Variants in NRXN3 observed in about 807,000 individuals in gnomAD.
NRXN3 encodes neurexin 3.
In NRXN3, 32 loss-of-function variants were observed where a neutral mutation model predicts 137.6. The observed-to-expected ratio is 0.23, with a 90% CI of 0.18 to 0.31. The LOEUF is 0.31. NRXN3 is among the 10% of genes least tolerant of loss of function. The pLI, the probability that NRXN3 is intolerant of heterozygous loss-of-function variation, is 1.00. For synonymous variants in NRXN3, 798 were observed against 784.5 expected, an observed-to-expected ratio of 1.02 and a Z score of -0.29; for missense variants, 1,574 against 2,062.5, an observed-to-expected ratio of 0.76 and a Z score of 4.59.
chr14:79,488,287 G>A (rs1322204129), intron 16 of NRXN3, among the ~76,000 whole-genome samples: 1 of 152,118 alleles, frequency 6.6e-6, no homozygotes, highest in Non-Finnish European at 1.5e-5. Context: ...GAGCTATAGG[G>A]TCTTGATGAA....
rs941694351 is a variant in NRXN3 at position 79,563,703 on chromosome 14, T to C, written c.3444+96301T>C. ...AAGGAGAAAGCATGATAAACCTTTT[T>C]TCCTGTTTCTCTTCTTCTAACCACA... On this transcript the variant is annotated intron_variant, in intron 16 of 20. Transcript: ENST00000335750. 4.6e-5 allele frequency among the ~76,000 whole-genome samples: 7 copies of C among 152,132 alleles called. No homozygotes were observed. In the South Asian group the frequency reaches 8.3e-4, roughly 18 times the overall value.
chr14:79,065,125 T>C (rs970573595), intron 15 of NRXN3, among the ~76,000 whole-genome samples: 6 of 152,038 alleles, frequency 3.9e-5, no homozygotes, highest in Admixed American at 3.3e-4. Context: ...TGTTATTTTA[T>C]GTAGTTTATT....
intron 19 of NRXN3, among the ~76,000 whole-genome samples, chr14:79,797,780 T>C (rs1237130477): frequency 1.3e-5 from 2 of 152,088 alleles, no homozygotes; most frequent in African/African-American, 4.8e-5. Flanking sequence ...CTCTATGTTT[T>C]TTCTAGTTTT....
chr14:78,385,290 A>AAC (rs34246142), intron 4 of NRXN3, among the ~76,000 whole-genome samples: 431 of 147,454 alleles, frequency 2.9e-3, no homozygotes, highest in East Asian at 0.01. Flanking sequence ...AACTTTAAGC[A>AAC]ACACACACAC....
intron 6 of NRXN3, among the ~76,000 whole-genome samples, chr14:78,670,600 G>C (rs1243414172): frequency 6.6e-6 from 1 of 152,142 alleles, no homozygotes; most frequent in Admixed American, 6.5e-5. Context: ...CATGTGTCAG[G>C]AACTCTAAGT....
chr14:78,859,334 T>G (rs775623480), intron 10 of NRXN3, among the ~76,000 whole-genome samples: 5 of 152,110 alleles, frequency 3.3e-5, no homozygotes, highest in Admixed American at 1.3e-4. Context: ...CAACACTGGA[T>G]CAAATCTGGC....
At chr14:79,659,757 A>G (rs1429318102) in intron 16 of NRXN3, among the ~76,000 whole-genome samples, 1 of 152,180 alleles carries the variant, frequency 6.6e-6, no homozygotes, top group East Asian at 1.9e-4. Flanking sequence ...AAGAGAAATC[A>G]GAAGTAAAAT....
At chr14:79,296,227 AGT>A (rs1199365645) in intron 15 of NRXN3, among the ~76,000 whole-genome samples, 1 of 152,122 alleles carries the variant, frequency 6.6e-6, no homozygotes, top group Admixed American at 6.6e-5. Context: ...GAAAAAATAG[AGT>A]GAGTGGGCTG....
chr14:79,136,443 A>C (rs1281807355), intron 15 of NRXN3, among the ~76,000 whole-genome samples: 3 of 152,236 alleles, frequency 2.0e-5, no homozygotes, highest in African/African-American at 4.8e-5. Flanking sequence ...ATATACACTC[A>C]AAATGAATAA....
intron 6 of NRXN3, among the ~76,000 whole-genome samples, chr14:78,685,714 C>T (rs185514682): frequency 1.4e-3 from 218 of 150,614 alleles, no homozygotes; most frequent in African/African-American, 5.2e-3. Context: ...CCCACCACAA[C>T]CTCCACCTCC....
At chr14:79,692,707 CA>C (rs916661448) in intron 18 of NRXN3, among the ~76,000 whole-genome samples, 1 of 151,734 alleles carries the variant, frequency 6.6e-6, no homozygotes, top group Non-Finnish European at 1.5e-5. Flanking sequence ...AAAAAACAAA[CA>C]AACAAAAAAC....
chr14:79,358,616 A>AGAAG (rs1195035918), intron 15 of NRXN3, among the ~76,000 whole-genome samples: 48 of 131,278 alleles, frequency 3.7e-4, no homozygotes, highest in African/African-American at 1.2e-3. Flanking sequence ...AGAGAAAGAA[A>AGAAG]GAAAGAAAGA....
intron 15 of NRXN3, among the ~76,000 whole-genome samples, chr14:79,272,242 T>A (rs2079463925): frequency 6.9e-6 from 1 of 145,650 alleles, no homozygotes; most frequent in Non-Finnish European, 1.5e-5. Context: ...TTCCTGTTAG[T>A]TTATTTACTT....
intron 15 of NRXN3, among the ~76,000 whole-genome samples, chr14:79,249,238 C>T (rs1047013422): frequency 6.6e-6 from 1 of 152,074 alleles, no homozygotes; most frequent in Non-Finnish European, 1.5e-5. Context: ...AATACATTAT[C>T]TCTTATAAAA....
At position 79,061,936 on chromosome 14, in the gene NRXN3, C is replaced by G. The variant is rs578246742; in HGVS notation, c.3262+73795C>G. On this transcript the variant is annotated intron_variant, in intron 15 of 20. Coordinates refer to ENST00000335750, the MANE Select transcript of NRXN3 (RefSeq NM_001330195.2). ...ATTTATCACACCTTACCCAGAGACT[C>G]CAGCTCCACTTTCTGAGTTTTCTCT... is the stretch of plus-strand genomic sequence containing the variant. Among the ~76,000 whole-genome samples, 15 of 152,288 alleles carry G rather than the reference C, an allele frequency of 9.8e-5. No individual in the cohort carries two copies. In the Middle Eastern group the frequency reaches 0.01, roughly 104 times the overall value.
chr14:79,678,143 C>T lies in NRXN3; in HGVS notation c.3617-14030C>T, dbSNP rs114993949. On this transcript the variant is annotated intron_variant, in intron 17 of 20. Transcript: ENST00000335750. ...CTCACCACTCTCATTCTTCCAACCTCCCCCTACTCCACTGGCCCCTGCAGC... is the reference window on the plus strand; with the variant it reads ...CTCACCACTCTCATTCTTCCAACCTTCCCCTACTCCACTGGCCCCTGCAGC... Among the ~76,000 whole-genome samples, 802 of 133,946 alleles carry T rather than the reference C, an allele frequency of 6.0e-3. 9 individuals carry two copies. Among genetic ancestry groups the T allele is most frequent in the African/African-American group, 0.02 (749 of 36,732 alleles). The allele number at this position is 133,946 out of a possible 152,430, so 87.9% of individuals were successfully genotyped here.
chr14:79,037,744 C>T lies in NRXN3; in HGVS notation c.3262+49603C>T, dbSNP rs1267746582. Among the ~76,000 whole-genome samples, 3 of 127,098 alleles carry T rather than the reference C, an allele frequency of 2.4e-5. No homozygotes were observed. The East Asian group carries it at 6.1e-4, about 26-fold the overall frequency. 83.4% of individuals were successfully genotyped at this position (127,098 alleles called of 152,430 possible). On this transcript the variant is annotated intron_variant, in intron 15 of 20. Transcript: ENST00000335750. ...AAGAGCCATTGCCAAGGCCAGTGGG[C>T]GTAAATTCAGTCCGCCTGACGGGAG... is the stretch of plus-strand genomic sequence containing the variant.
At chr14:79,776,273 T>C (rs1443020803) in intron 19 of NRXN3, among the ~76,000 whole-genome samples, 1 of 152,242 alleles carries the variant, frequency 6.6e-6, no homozygotes, top group Non-Finnish European at 1.5e-5. Context: ...AATCCTTGAC[T>C]GTAGAATTGT....
chr14:79,482,477 A>G (rs761422456), intron 16 of NRXN3, among the ~76,000 whole-genome samples: 11 of 152,210 alleles, frequency 7.2e-5, no homozygotes, highest in Non-Finnish European at 1.2e-4. Context: ...TACCACCCTG[A>G]CAACCACTAT....
Sources: allele counts gnomAD v4.1 joint callset (sites outside exome capture counted in the v4.1 genomes callset), GRCh38; gene constraint gnomAD v4.1.1; transcripts MANE v1.5; gene names NCBI Gene and HGNC (gene_info 2026-07-23, HGNC 2026-07-21).